Variants in GALNTL6 observed in about 807,000 individuals in gnomAD.
GALNTL6 encodes polypeptide N-acetylgalactosaminyltransferase-like 6.
In GALNTL6, 46 loss-of-function variants were observed where a neutral mutation model predicts 73.7. That is an observed-to-expected ratio of 0.62 (90% CI 0.49 to 0.80). The LOEUF (loss-of-function observed/expected upper bound fraction) is 0.80. GALNTL6 is among the 30% of genes least tolerant of loss of function. GALNTL6 has a pLI of 0.00. For synonymous variants in GALNTL6, 259 were observed against 263.7 expected (o/e 0.98, Z 0.17); for missense variants, 604 against 755.0 (o/e 0.80, Z 2.34).
intron 5 of GALNTL6, among the ~76,000 whole-genome samples, chr4:172,648,027 G>A (rs978845710): frequency 5.9e-5 from 9 of 152,110 alleles, no homozygotes; most frequent in African/African-American, 2.2e-4. Context: ...CAGTCTCTCT[G>A]AGAATAGCAG....
At chr4:172,669,232 C>T (rs545937315) in intron 5 of GALNTL6, 3 of 152,236 alleles carry the variant, frequency 2.0e-5, no homozygotes, top group South Asian at 2.1e-4. Flanking sequence ...TATCATTTAA[C>T]CTCTGTTGTC....
chr4:172,932,188 A>T (rs1253218377), intron 9 of GALNTL6, among the ~76,000 whole-genome samples: 1 of 152,232 alleles, frequency 6.6e-6, no homozygotes. Context: ...CGAATTCACC[A>T]GGAATCATTA....
chr4:172,776,164 G>T (rs1389030908), intron 5 of GALNTL6, among the ~76,000 whole-genome samples: 3 of 152,188 alleles, frequency 2.0e-5, no homozygotes, highest in Admixed American at 6.5e-5. Flanking sequence ...TAAATTTGTT[G>T]TAATTTCTTA....
At chr4:172,371,459 A>T (rs1742806378) in intron 5 of GALNTL6, among the ~76,000 whole-genome samples, 1 of 152,242 alleles carries the variant, frequency 6.6e-6, no homozygotes, top group Non-Finnish European at 1.5e-5. Context: ...ATTATCAATT[A>T]TAGGTTTTAA....
chr4:172,648,022 T>C (rs546666079), intron 5 of GALNTL6, among the ~76,000 whole-genome samples: 1 of 152,230 alleles, frequency 6.6e-6, no homozygotes, highest in East Asian at 1.9e-4. Context: ...TAAAACAGTC[T>C]CTCTGAGAAT....
chr4:172,560,346 A>G (rs1358752387), intron 5 of GALNTL6, among the ~76,000 whole-genome samples: 1 of 152,080 alleles, frequency 6.6e-6, no homozygotes, highest in Admixed American at 6.5e-5. Context: ...AAGAAAAAAA[A>G]AATTAGCAGG....
At chr4:172,289,206 TG>T (rs1739373526) in intron 3 of GALNTL6, among the ~76,000 whole-genome samples, 1 of 152,234 alleles carries the variant, frequency 6.6e-6, no homozygotes, top group African/African-American at 2.4e-5. Context: ...AAGTAAAGTT[TG>T]TTACTGGAGA....
chr4:172,374,104 A>G (rs1484956332), intron 5 of GALNTL6, among the ~76,000 whole-genome samples: 1 of 152,176 alleles, frequency 6.6e-6, no homozygotes, highest in African/African-American at 2.4e-5. Flanking sequence ...GGCATAGTGG[A>G]CATGGACGAT....
At position 172,473,239 on chromosome 4, in the gene GALNTL6, A is replaced by G. The variant is rs1260666092; in HGVS notation, c.553+124550A>G. Among the ~76,000 whole-genome samples, 3 of 152,004 alleles carry G rather than the reference A, an allele frequency of 2.0e-5. No homozygotes were observed. The East Asian group carries it at 5.8e-4, about 29-fold the overall frequency. On this transcript the variant is annotated intron_variant, in intron 5 of 12. Coordinates refer to ENST00000506823, the MANE Select transcript of GALNTL6 (RefSeq NM_001034845.3). ...AATATTTCTCCCCTTCTCCTTCTAC[A>G]TCATTTGCCTACTCTCTATTGGCTC...
rs574393332 is a variant in GALNTL6 at position 172,276,497 on chromosome 4, A to G, written c.248-35117A>G. Among the ~76,000 whole-genome samples the G allele has an allele frequency of 9.8e-5, 15 of 152,364 alleles. No individual in the cohort carries two copies. In the East Asian group the frequency reaches 2.9e-3, roughly 29 times the overall value. Reference sequence around the variant, plus strand: ...TAACATTCATCAATGATATGATGCCATGTTTCTAACCCTGTAATCTTAAAA... The same window carrying G: ...TAACATTCATCAATGATATGATGCCGTGTTTCTAACCCTGTAATCTTAAAA... On this transcript the variant is annotated intron_variant, in intron 3 of 12. Transcript: ENST00000506823.
intron 5 of GALNTL6, among the ~76,000 whole-genome samples, chr4:172,431,296 A>C (rs1731440439): frequency 6.6e-6 from 1 of 152,152 alleles, no homozygotes; most frequent in Non-Finnish European, 1.5e-5. Context: ...CTGATGTCAA[A>C]CGCAGTGTCA....
intron 5 of GALNTL6, among the ~76,000 whole-genome samples, chr4:172,568,440 C>T (rs950886832): frequency 6.6e-6 from 1 of 152,140 alleles, no homozygotes; most frequent in Admixed American, 6.5e-5. Context: ...ACTCTAAGGT[C>T]TCTTTTAAAC....
chr4:173,022,030 A>AGAAGGAAGGAAG (rs750348404), intron 12 of GALNTL6, among the ~76,000 whole-genome samples: 74 of 69,232 alleles, frequency 1.1e-3, no homozygotes, highest in African/African-American at 1.3e-3. Context: ...AAGGAAGGAA[A>AGAAGGAAGGAAG]GAAGGAAGGA....
At chr4:172,500,806 C>G (rs1281687750) in intron 5 of GALNTL6, among the ~76,000 whole-genome samples, 2 of 152,028 alleles carry the variant, frequency 1.3e-5, no homozygotes, top group African/African-American at 4.8e-5. Flanking sequence ...TTATGAGTGT[C>G]TTAAATCATA....
At chr4:172,539,874 A>ATT (rs1267575042) in intron 5 of GALNTL6, among the ~76,000 whole-genome samples, 7 of 58,412 alleles carry the variant, frequency 1.2e-4, no homozygotes, top group Non-Finnish European at 1.6e-4. Flanking sequence ...TATACATATG[A>ATT]TTATATATAT....
intron 2 of GALNTL6, among the ~76,000 whole-genome samples, chr4:172,037,294 C>G (rs1350507073): frequency 2.0e-5 from 3 of 152,126 alleles, no homozygotes; most frequent in African/African-American, 7.2e-5. Context: ...AACTCTGAGA[C>G]TGGAGCTAAC....
In GALNTL6 at chr4:172,791,259, G is replaced by T. The variant is rs75890435; in HGVS notation, c.554-18102G>T. On this transcript the variant is annotated intron_variant, in intron 5 of 12. Transcript: ENST00000506823. ...ACACAAGATGTGGGTTTGAGAATAGGTGACTGCAGTGTATGAAAGTAACTG... is the reference window on the plus strand; with the variant it reads ...ACACAAGATGTGGGTTTGAGAATAGTTGACTGCAGTGTATGAAAGTAACTG... Among the ~76,000 whole-genome samples the T allele has an allele frequency of 1.8e-3, 271 of 152,334 alleles. 1 individual carries two copies. Among genetic ancestry groups the T allele is most frequent in the African/African-American group, 6.4e-3 (264 of 41,562 alleles).
chr4:171,991,095 AAATT>A (rs1325139194), intron 2 of GALNTL6, among the ~76,000 whole-genome samples: 1 of 152,148 alleles, frequency 6.6e-6, no homozygotes, highest in African/African-American at 2.4e-5. Context: ...CCACATGAAA[AAATT>A]AATAACCTTC....
At chr4:172,874,859 G>T (rs974171731) in intron 7 of GALNTL6, among the ~76,000 whole-genome samples, 1 of 152,144 alleles carries the variant, frequency 6.6e-6, no homozygotes, top group African/African-American at 2.4e-5. Context: ...CGGGACATTC[G>T]CAGTGTGGCT....
Sources: gnomAD v4.1 joint callset for allele counts (sites outside exome capture counted in the v4.1 genomes callset) on GRCh38, gnomAD v4.1.1 for gene constraint, MANE v1.5 for transcripts, NCBI Gene and HGNC (gene_info 2026-07-23, HGNC 2026-07-21) for gene names.